Variants in COL23A1 observed in about 807,000 individuals in gnomAD.
COL23A1 encodes the protein collagen alpha-1(XXIII) chain.
COL23A1 carries 97 observed loss-of-function variants against 99.3 expected under a neutral mutation model. The observed-to-expected ratio is 0.98, with a 90% CI of 0.83 to 1.16. The LOEUF (loss-of-function observed/expected upper bound fraction) is 1.16. Ranked by LOEUF, COL23A1 falls within the 50% of genes most tolerant of loss-of-function variation. The probability of loss-of-function intolerance (pLI) is 0.00; values close to 1 mark genes in which losing one functional copy is unlikely to be tolerated. For missense variants in COL23A1, 762 were observed against 757.4 expected, an observed-to-expected ratio of 1.01 and a Z score of -0.07; for synonymous variants, 320 against 308.2, an observed-to-expected ratio of 1.04 and a Z score of -0.40.
chr5:178,407,119 T>A (rs1404929978), intron 2 of COL23A1, among the ~76,000 whole-genome samples: 1 of 152,142 alleles, frequency 6.6e-6, no homozygotes, highest in African/African-American at 2.4e-5. Flanking sequence ...ACCCACAGTG[T>A]CAGTGGAAGC....
At chr5:178,370,856 C>T (rs1762762158) in intron 2 of COL23A1, among the ~76,000 whole-genome samples, 1 of 152,154 alleles carries the variant, frequency 6.6e-6, no homozygotes, top group Non-Finnish European at 1.5e-5. Context: ...GCAGGAGGAT[C>T]CCTTGAGCCC....
At chr5:178,515,933 C>T (rs551848648) in intron 2 of COL23A1, among the ~76,000 whole-genome samples, 5 of 152,044 alleles carry the variant, frequency 3.3e-5, no homozygotes, top group South Asian at 2.1e-4. Context: ...CCCGGGCCTT[C>T]GCCACCCTGC....
intron 2 of COL23A1, among the ~76,000 whole-genome samples, chr5:178,429,795 C>T (rs1766159733): frequency 6.6e-6 from 1 of 152,158 alleles, no homozygotes; most frequent in Non-Finnish European, 1.5e-5. Flanking sequence ...TACTGGCTAC[C>T]GTCCAAGTGT....
chr5:178,265,264 G>T (rs1390499068), intron 8 of COL23A1, among the ~76,000 whole-genome samples: 1 of 152,222 alleles, frequency 6.6e-6, no homozygotes, highest in African/African-American at 2.4e-5. Context: ...CAGGGCCAGG[G>T]TCCTGATCAA....
At chr5:178,512,186 T>C (rs548722606) in intron 2 of COL23A1, among the ~76,000 whole-genome samples, 93 of 152,264 alleles carry the variant, frequency 6.1e-4, no homozygotes, top group African/African-American at 2.1e-3. Context: ...AGAAGACTGG[T>C]TAAACGCATT....
At chr5:178,242,509 C>G in intron 25 of COL23A1, 115 bp from the exon 26 acceptor site, 1 of 1,019,368 alleles carries the variant, frequency 9.8e-7, no homozygotes, top group Non-Finnish European at 1.5e-6. Context: ...CCTGCATATT[C>G]GTGGCACACG....
rs1256823893 is a variant in COL23A1, at chr5:178,309,088, ATCCGAAGCAATGCAGCACTGTGCTT to A, written c.362-2194_362-2170del. Among the ~76,000 whole-genome samples the A allele has an allele frequency of 2.6e-5, 4 of 152,176 alleles. No individual in the cohort carries two copies. Among genetic ancestry groups the A allele is most frequent in the Non-Finnish European group, 4.4e-5 (3 of 68,020 alleles). ...GGGGGAAGTAGCCAGACTCTGCTAG[ATCCGAAGCAATGCAGCACTGTGCTT>A]TCCTGATGGGAATCACTGGGTACGA... On this transcript the variant is annotated intron_variant, in intron 2 of 28. Transcript: ENST00000390654. This position sits in a 1 kb window ranked among gnomAD's most constrained non-coding sequence, Gnocchi z 4.7.
chr5:178,251,904 C>CTTTTTTTTTTTTTTTTT (rs1296189772), intron 17 of COL23A1, among the ~76,000 whole-genome samples: 1 of 111,132 alleles, frequency 9.0e-6, no homozygotes, highest in African/African-American at 3.2e-5. Flanking sequence ...CTTTCATTTT[C>CTTTTTTTTTTTTTTTTT]TTTTCTTTTT....
At chr5:178,357,584 C>T (rs4076636) in intron 2 of COL23A1, among the ~76,000 whole-genome samples, 33,860 of 152,238 alleles carry the variant, frequency 0.22, 4,115 homozygotes, top group South Asian at 0.31. Flanking sequence ...CTCCAGGGGC[C>T]AGCCTTTGAC....
At chr5:178,574,742 T>C (rs150605203) in intron 1 of COL23A1, among the ~76,000 whole-genome samples, 2 of 151,966 alleles carry the variant, frequency 1.3e-5, no homozygotes, top group Non-Finnish European at 2.9e-5. Context: ...AGACAATCTA[T>C]GTTGTCTTTC....
chr5:178,498,205 A>AAT (rs1159261586), intron 2 of COL23A1, among the ~76,000 whole-genome samples: 648 of 33,864 alleles, frequency 0.019, 7 homozygotes, highest in Non-Finnish European at 0.026. Flanking sequence ...TCTTTATTTA[A>AAT]ATATATATAT....
At chr5:178,262,482 C>T (rs1765686936) in intron 9 of COL23A1, among the ~76,000 whole-genome samples, 1 of 152,112 alleles carries the variant, frequency 6.6e-6, no homozygotes, top group Non-Finnish European at 1.5e-5. Context: ...AGCAGCTGTC[C>T]TGGGGGAATC....
Position 178,400,551 on chromosome 5 carries a change from C to T in COL23A1, c.362-93632G>A, listed in dbSNP as rs185920967. ...AAAAATTGTGGTAAGATAGACATAA[C>T]ATAAAAGTTACCATTTTAACCATTT... On this transcript the variant is annotated intron_variant, in intron 2 of 28. Transcript: ENST00000390654. Among the ~76,000 whole-genome samples the T allele has an allele frequency of 2.5e-3, 377 of 152,186 alleles. 2 individuals are homozygous for T. The highest frequency in any genetic ancestry group is 3.4e-3 in the Middle Eastern group (1 of 292).
Position 178,267,351 on chromosome 5 carries a change from GGA to G in COL23A1, c.496-20_496-19del, listed in dbSNP as rs1755960883. 1 of 1,613,348 alleles carries G rather than the reference GGA, an allele frequency of 6.2e-7. No individual in the cohort carries two copies. The highest frequency in any genetic ancestry group is 1.1e-5 in the South Asian group (1 of 90,924). On this transcript the variant is annotated intron_variant, in intron 7 of 28. Coordinates refer to ENST00000390654, the MANE Select transcript of COL23A1 (RefSeq NM_173465.4). ...GGTGCACCCTGGGAACAAAAGACAG[GGA>G]GAGGCATCACCACTGCTTTCATCGT...
At chr5:178,490,311 T>C (rs1757859574) in intron 2 of COL23A1, among the ~76,000 whole-genome samples, 1 of 151,882 alleles carries the variant, frequency 6.6e-6, no homozygotes, top group African/African-American at 2.4e-5. Context: ...TGGAGAAACT[T>C]TGAGGATATT....
chr5:178,307,043 G>T lies in COL23A1; in HGVS notation c.362-124C>A, dbSNP rs1011532170. On this transcript the variant is annotated intron_variant, in intron 2 of 28. Coordinates refer to ENST00000390654, the MANE Select transcript of COL23A1 (RefSeq NM_173465.4). The surrounding 1 kb of genome is among the most constrained non-coding windows in gnomAD (Gnocchi z 4.2). ...CTTTCTGGGAGTGGCCTGCCCGAGGGGGTCTGCTGGCTGTGGAGGGGGAGA... is the reference window on the plus strand; with the variant it reads ...CTTTCTGGGAGTGGCCTGCCCGAGGTGGTCTGCTGGCTGTGGAGGGGGAGA... 5 of 610,592 alleles carry T rather than the reference G, an allele frequency of 8.2e-6. No homozygotes were observed. Among genetic ancestry groups the T allele is most frequent in the East Asian group, 3.5e-5 (1 of 28,782 alleles). The allele number at this position is 610,592 out of a possible 1,614,324, so 37.8% of individuals were successfully genotyped here. A position where few individuals can be genotyped will look rare whatever the true frequency, so the allele number is the denominator to read the frequency against.
At chr5:178,362,223 C>A (rs772536593) in intron 2 of COL23A1, among the ~76,000 whole-genome samples, 3 of 152,174 alleles carry the variant, frequency 2.0e-5, no homozygotes, top group Non-Finnish European at 2.9e-5. Context: ...ACACACCATT[C>A]CCATTTCCAC....
At chr5:178,573,295 C>T (rs1379568669) in intron 1 of COL23A1, among the ~76,000 whole-genome samples, 2 of 152,226 alleles carry the variant, frequency 1.3e-5, no homozygotes, top group Non-Finnish European at 1.5e-5. Flanking sequence ...GTCCTGGGTA[C>T]AGAAGGCATC....
chr5:178,493,232 C>T (rs1758023637), intron 2 of COL23A1, among the ~76,000 whole-genome samples: 1 of 152,192 alleles, frequency 6.6e-6, no homozygotes, highest in Non-Finnish European at 1.5e-5. Flanking sequence ...AAATCTCTTC[C>T]CCAGGCCATA....
Sources: gnomAD v4.1 joint callset for allele counts (sites outside exome capture counted in the v4.1 genomes callset) on GRCh38, gnomAD v4.1.1 for gene constraint, Gnocchi (gnomAD v3.1) non-coding constraint, MANE v1.5 for transcripts, NCBI Gene and HGNC (gene_info 2026-07-23, HGNC 2026-07-21) for gene names.